The following ZHX2 variants were observed in gnomAD, a reference collection of about 807,000 sequenced individuals.
ZHX2 encodes zinc fingers and homeoboxes protein 2.
In ZHX2, 6 loss-of-function variants were observed where a neutral mutation model predicts 21.9. The observed-to-expected ratio is 0.27, with a 90% CI of 0.15 to 0.54. ZHX2 has a LOEUF of 0.54. ZHX2 is among the 20% of genes least tolerant of loss of function. The pLI, the probability that ZHX2 is intolerant of heterozygous loss-of-function variation, is 0.95. For missense variants in ZHX2, 908 were observed against 1,090.7 expected (o/e 0.83, Z 2.36); for synonymous variants, 434 against 437.1 (o/e 0.99, Z 0.09).
At chr8:122,886,556 C>T (rs184092786) in intron 2 of ZHX2, among the ~76,000 whole-genome samples, 2 of 152,208 alleles carry the variant, frequency 1.3e-5, no homozygotes, top group East Asian at 3.9e-4. Flanking sequence ...TAAAGGAAAC[C>T]AGGAAAAGAA....
At chr8:122,870,745 A>G (rs959490372) in intron 2 of ZHX2, among the ~76,000 whole-genome samples, 1 of 151,182 alleles carries the variant, frequency 6.6e-6, no homozygotes, top group Non-Finnish European at 1.5e-5. Context: ...CAGTGAGGAG[A>G]TGGTGGCTGT....
chr8:122,868,326 G>A (rs1819346654), intron 2 of ZHX2, among the ~76,000 whole-genome samples: 1 of 152,010 alleles, frequency 6.6e-6, no homozygotes, highest in Admixed American at 6.6e-5. Flanking sequence ...AGAATCTTCA[G>A]GAGAAAGATT....
chr8:122,970,067 G>T (rs533284455), intron 3 of ZHX2, among the ~76,000 whole-genome samples: 1 of 152,240 alleles, frequency 6.6e-6, no homozygotes, highest in South Asian at 2.1e-4. Context: ...TGGTAGAAAT[G>T]TCCCAGAGGC....
At chr8:122,902,112 T>G (rs1820244506) in intron 2 of ZHX2, among the ~76,000 whole-genome samples, 1 of 152,212 alleles carries the variant, frequency 6.6e-6, no homozygotes, top group Admixed American at 6.5e-5. Context: ...CTTGCACATT[T>G]GTCTTCATGG....
At chr8:122,855,904 A>T (rs1340862082) in intron 1 of ZHX2, among the ~76,000 whole-genome samples, 3 of 152,196 alleles carry the variant, frequency 2.0e-5, no homozygotes, top group African/African-American at 7.2e-5. Flanking sequence ...GATTTTTGCT[A>T]AACAAGGTCA....
intron 2 of ZHX2, among the ~76,000 whole-genome samples, chr8:122,908,243 C>T (rs2129985054): frequency 6.6e-6 from 1 of 152,274 alleles, no homozygotes; most frequent in Middle Eastern, 3.4e-3. Context: ...TCTTGTTGCC[C>T]AAACTGGAGT....
intron 2 of ZHX2, among the ~76,000 whole-genome samples, chr8:122,886,035 C>A (rs533900390): frequency 6.6e-6 from 1 of 152,184 alleles, no homozygotes; most frequent in East Asian, 1.9e-4. Context: ...ACCAAAATGC[C>A]AATACAAGTT....
At chr8:122,837,794 T>A (rs1357015065) in intron 1 of ZHX2, among the ~76,000 whole-genome samples, 2 of 152,202 alleles carry the variant, frequency 1.3e-5, no homozygotes, top group Non-Finnish European at 2.9e-5. Context: ...ATGTCTCCTG[T>A]CTTTGTCGGT....
chr8:122,896,868 A>G (rs1363729447), intron 2 of ZHX2, among the ~76,000 whole-genome samples: 1 of 152,238 alleles, frequency 6.6e-6, no homozygotes, highest in Non-Finnish European at 1.5e-5. Flanking sequence ...GGGAAAGAAC[A>G]GTGTCTGGGA....
chr8:122,867,043 G>C (rs1326448163), intron 2 of ZHX2, among the ~76,000 whole-genome samples: 1 of 151,462 alleles, frequency 6.6e-6, no homozygotes. Flanking sequence ...ATGTTGGCCA[G>C]GCGGGTCTCG....
intron 2 of ZHX2, among the ~76,000 whole-genome samples, chr8:122,881,518 A>G (rs1394821957): frequency 6.6e-6 from 1 of 152,236 alleles, no homozygotes; most frequent in Non-Finnish European, 1.5e-5. Context: ...CGCTTAGAAC[A>G]ATATCTGGAG....
chr8:122,882,343 C>T (rs1819733668), intron 2 of ZHX2, among the ~76,000 whole-genome samples: 1 of 150,934 alleles, frequency 6.6e-6, no homozygotes, highest in African/African-American at 2.5e-5. Flanking sequence ...AGAGAGACAG[C>T]TCTCTTATTT....
At chr8:122,905,440 GA>G (rs1390530959) in intron 2 of ZHX2, among the ~76,000 whole-genome samples, 2 of 152,238 alleles carry the variant, frequency 1.3e-5, no homozygotes, top group Non-Finnish European at 2.9e-5. Context: ...TTTCAGGAAT[GA>G]AGGGGTAGTC....
chr8:122,795,897 G>A (rs1817603951), intron 1 of ZHX2, among the ~76,000 whole-genome samples: 1 of 152,146 alleles, frequency 6.6e-6, no homozygotes. Flanking sequence ...AAGGCCAGGC[G>A]CGATGGCTCA....
At position 122,849,838 on chromosome 8, in the gene ZHX2, C is replaced by T. The variant is rs534761809; in HGVS notation, c.-282-13639C>T. The stretch of plus-strand genomic sequence containing the variant: ...CTCATCTATCAAATGAGGATGATAT[C>T]GGTGCCTACCATGTTATGGAGTTTA... On this transcript the variant is annotated intron_variant, in intron 1 of 3. Coordinates refer to ENST00000314393, the MANE Select transcript of ZHX2 (RefSeq NM_014943.5). Among the ~76,000 whole-genome samples the T allele has an allele frequency of 8.5e-5, 13 of 152,324 alleles. No homozygotes were observed. The South Asian group carries it at 2.5e-3, about 29-fold the overall frequency.
chr8:122,953,606 T>G lies in ZHX2; in HGVS notation c.2096T>G (p.Met699Arg). ...ATGGAGCAGTACCAGCACCAGCCCA[T>G]GGCAGATGATCACGGCTACGATGCC... Reference protein sequence around the residue: ...KWMEQYQHQPMADDHGYDAVA... With the variant: ...KWMEQYQHQPRADDHGYDAVA... Residue 699 changes from methionine (M) to arginine (R), a missense_variant, in exon 3 of 4, where the codon ATG becomes AGG. Physicochemically the swap from Met to Arg is moderately conservative, Grantham distance 91. Coordinates refer to ENST00000314393, the MANE Select transcript of ZHX2 (RefSeq NM_014943.5). The surrounding 1 kb of genome is among the most constrained non-coding windows in gnomAD (Gnocchi z 4.6). 1 of 1,614,120 alleles carries G rather than the reference T, an allele frequency of 6.2e-7. No homozygotes were observed. The highest frequency in any genetic ancestry group is 8.5e-7 in the Non-Finnish European group (1 of 1,180,026).
At chr8:122,890,875 T>C (rs1450369187) in intron 2 of ZHX2, among the ~76,000 whole-genome samples, 2 of 152,220 alleles carry the variant, frequency 1.3e-5, no homozygotes, top group Non-Finnish European at 2.9e-5. Flanking sequence ...TAGCTTTTTC[T>C]ATATGATAAG....
intron 1 of ZHX2, among the ~76,000 whole-genome samples, chr8:122,827,369 G>A (rs1818285881): frequency 6.6e-6 from 1 of 152,046 alleles, no homozygotes; most frequent in Non-Finnish European, 1.5e-5. Flanking sequence ...ACCGAGGATT[G>A]TTATTCATTA....
chr8:122,909,258 C>T (rs549492722), intron 2 of ZHX2, among the ~76,000 whole-genome samples: 1 of 151,928 alleles, frequency 6.6e-6, no homozygotes. Context: ...GGGTGAAACC[C>T]CCGTCTCTAC....
Sources: gnomAD v4.1 joint callset for allele counts (sites outside exome capture counted in the v4.1 genomes callset) on GRCh38, gnomAD v4.1.1 for gene constraint, Gnocchi (gnomAD v3.1) non-coding constraint, MANE v1.5 for transcripts, NCBI Gene and HGNC (gene_info 2026-07-23, HGNC 2026-07-21) for gene names.